Variants in ZNF83 observed in about 807,000 individuals in gnomAD.
The protein encoded by ZNF83 is zinc finger protein 83, also known as zinc finger protein 816B.
For missense variants in ZNF83, 552 were observed against 629.9 expected (o/e 0.88, Z 1.32); for synonymous variants, 209 against 213.0 (o/e 0.98, Z 0.17).
At chr19:52,675,782 T>C (rs1042103984) in intron 1 of ZNF83, among the ~76,000 whole-genome samples, 8 of 152,132 alleles carry the variant, frequency 5.3e-5, no homozygotes, top group African/African-American at 1.9e-4. Flanking sequence ...GGAATATAAT[T>C]CCACTAGGAT....
intron 2 of ZNF83, among the ~76,000 whole-genome samples, chr19:52,626,403 G>T (rs1013146325): frequency 2.0e-5 from 3 of 152,130 alleles, no homozygotes; most frequent in Admixed American, 1.3e-4. Context: ...TTGTTTTTAC[G>T]TAAATCAGTC....
chr19:52,687,607 A>G (rs1232438489), intron 1 of ZNF83, among the ~76,000 whole-genome samples: 469 of 20,232 alleles, frequency 0.023, 10 homozygotes, highest in African/African-American at 0.17. Flanking sequence ...ATGTATATAT[A>G]TATAATGTGT....
chr19:52,640,171 A>C (rs1436636623), upstream of ZNF83, among the ~76,000 whole-genome samples: 1 of 152,228 alleles, frequency 6.6e-6, no homozygotes, highest in Non-Finnish European at 1.5e-5. Flanking sequence ...AGGCGCCTAC[A>C]ATCCGACAGA....
rs574999523 is a variant in ZNF83, at chr19:52,664,662, C to A, written c.-282-3819G>T. On this transcript the variant is annotated intron_variant, in intron 1 of 5. Transcript: ENST00000594682. ...GGGGGTGGAACCCCAGGAGGTGAGC[C>A]GGGCCTGAGCAAGGCCAGGAAGGGA... Among the ~76,000 whole-genome samples, 103 of 143,872 alleles carry A rather than the reference C, an allele frequency of 7.2e-4. 2 individuals carry two copies. The South Asian group carries it at 0.019, about 26-fold the overall frequency. 94.4% of individuals were successfully genotyped at this position (143,872 alleles called of 152,430 possible).
chr19:52,634,025 T>C (rs538352713), intron 2 of ZNF83, among the ~76,000 whole-genome samples: 2 of 152,088 alleles, frequency 1.3e-5, no homozygotes, highest in East Asian at 3.9e-4. Context: ...ATCACAGCAC[T>C]ATAGGAGGCT....
At chr19:52,657,065 A>G (rs2061515556) in intron 2 of ZNF83, among the ~76,000 whole-genome samples, 2 of 151,928 alleles carry the variant, frequency 1.3e-5, no homozygotes, top group African/African-American at 4.8e-5. Context: ...GAAGTGATCC[A>G]AGATTGCACC....
chr19:52,662,817 C>T (rs748745172), intron 1 of ZNF83, among the ~76,000 whole-genome samples: 52 of 152,088 alleles, frequency 3.4e-4, no homozygotes, highest in South Asian at 1.0e-3. Flanking sequence ...CGGCTCATTC[C>T]TATGTGATGG....
intron 1 of ZNF83, among the ~76,000 whole-genome samples, chr19:52,689,959 G>A (rs866243973): frequency 6.6e-6 from 1 of 152,098 alleles, no homozygotes; most frequent in South Asian, 2.1e-4. Flanking sequence ...AGCAGGGCCC[G>A]GCACGAGGAG....
At chr19:52,683,954 G>A (rs1351555240) in intron 1 of ZNF83, among the ~76,000 whole-genome samples, 2 of 152,104 alleles carry the variant, frequency 1.3e-5, no homozygotes, top group African/African-American at 2.4e-5. Flanking sequence ...GTGTTTCTGG[G>A]CGGGCACAGT....
At chr19:52,643,886 G>T (rs1316526678) in intron 3 of ZNF83, among the ~76,000 whole-genome samples, 1 of 152,102 alleles carries the variant, frequency 6.6e-6, no homozygotes, top group Non-Finnish European at 1.5e-5. Flanking sequence ...GACAGGAAGG[G>T]TTTTGATGTT....
intron 3 of ZNF83, among the ~76,000 whole-genome samples, chr19:52,644,341 C>A (rs1400928341): frequency 6.6e-6 from 1 of 152,094 alleles, no homozygotes; most frequent in Admixed American, 6.5e-5. Flanking sequence ...TCCGGTCTAG[C>A]CCCTCATCTG....
At chr19:52,658,518 T>TTGCA (rs2061537100) in intron 2 of ZNF83, among the ~76,000 whole-genome samples, 1 of 152,076 alleles carries the variant, frequency 6.6e-6, no homozygotes, top group South Asian at 2.1e-4. Flanking sequence ...TAAGCCGAGA[T>TTGCA]TGCACCACTG....
chr19:52,688,971 A>G (rs7260471), intron 1 of ZNF83, among the ~76,000 whole-genome samples: 89,652 of 143,010 alleles, frequency 0.63, 28,482 homozygotes, highest in African/African-American at 0.72. Context: ...AAAAAAAAAA[A>G]AGAGAGAGAT....
intron 2 of ZNF83, among the ~76,000 whole-genome samples, chr19:52,660,539 C>T (rs1330549493): frequency 6.6e-6 from 1 of 151,936 alleles, no homozygotes; most frequent in Non-Finnish European, 1.5e-5. Flanking sequence ...AATCTCTTGA[C>T]CCTGGGAGGT....
chr19:52,681,484 A>G (rs1271797197), intron 1 of ZNF83, among the ~76,000 whole-genome samples: 4 of 151,648 alleles, frequency 2.6e-5, no homozygotes, highest in Non-Finnish European at 5.9e-5. Flanking sequence ...ATAGCCATGA[A>G]TAACATTTTT....
intron 1 of ZNF83, 185 bp from the exon 2 acceptor site, chr19:52,635,338 C>G (rs1600204241): frequency 2.8e-6 from 1 of 361,420 alleles, no homozygotes; most frequent in Non-Finnish European, 4.9e-6. Context: ...CACACCACAC[C>G]CTTCTGGAGG....
At chr19:52,666,077 T>G (rs11084175) in intron 1 of ZNF83, among the ~76,000 whole-genome samples, 2 of 147,670 alleles carry the variant, frequency 1.4e-5, no homozygotes, top group Non-Finnish European at 3.0e-5. Flanking sequence ...GGTGGGAGAA[T>G]GGTGTGAACC....
chr19:52,686,508 A>C (rs1176870077), intron 1 of ZNF83, among the ~76,000 whole-genome samples: 3 of 151,200 alleles, frequency 2.0e-5, no homozygotes, highest in Non-Finnish European at 4.4e-5. Flanking sequence ...AGAAAGAAAA[A>C]AAAAAAGAAA....
intron 2 of ZNF83, chr19:52,618,764 A>C (rs1476709453): frequency 5.0e-6 from 6 of 1,194,242 alleles, no homozygotes; most frequent in Non-Finnish European, 6.9e-6. Context: ...AACGCAGAAC[A>C]TCTAAAAAAG....
Sources: gnomAD v4.1 joint callset for allele counts (sites outside exome capture counted in the v4.1 genomes callset) on GRCh38, gnomAD v4.1.1 for gene constraint, MANE v1.5 for transcripts, NCBI Gene and HGNC (gene_info 2026-07-23, HGNC 2026-07-21) for gene names.